SHROOM2: variants seen among roughly 807,000 people sequenced by gnomAD.
SHROOM2 encodes protein Shroom2.
Under a neutral mutation model 75.9 loss-of-function variants are expected in SHROOM2, and 33 were observed. That is an observed-to-expected ratio of 0.43 (90% CI 0.33 to 0.58). The LOEUF is 0.58. Among genes scored for constraint, SHROOM2 ranks in the 20% least tolerant of loss-of-function variants. The pLI, the probability that SHROOM2 is intolerant of heterozygous loss-of-function variation, is 0.04. For missense variants in SHROOM2, 1,434 were observed against 1,461.2 expected (o/e 0.98, Z 0.30); for synonymous variants, 655 against 663.6 (o/e 0.99, Z 0.20).
rs1451822461 is a variant in SHROOM2 at position 9,948,618 on chromosome X, C to G, written c.*1681C>G. 1 of 113,617 alleles carries G rather than the reference C, an allele frequency of 8.8e-6. No individual in the cohort carries two copies. Among genetic ancestry groups the G allele is most frequent in the African/African-American group, 3.2e-5 (1 of 31,199 alleles). 9.4% of individuals were successfully genotyped at this position (113,617 alleles called of 1,213,427 possible). On this transcript the variant is annotated 3_prime_UTR_variant, in exon 10 of 10. Coordinates refer to ENST00000380913, the MANE Select transcript of SHROOM2 (RefSeq NM_001649.4). The stretch of plus-strand genomic sequence containing the variant: ...GGGGCCGTGTTGACGGTAATGCATT[C>G]TCTATAGAGCCAAGTCCAAACTGGC...
rs1425486740 is a variant in SHROOM2 at position 9,932,558 on chromosome X, G to C, written c.3275G>C (p.Arg1092Thr). The stretch of plus-strand genomic sequence containing the variant: ...GACGCCCCCGTGGGCGTCCTCGGCA[G>C]GCCCTTCCCAACGCCATCCCCTGCG... The part of the protein sequence containing the change: ...PADAPVGVLG[R>T]PFPTPSPASL... The change falls in exon 6 of 10, where the codon AGG becomes ACG. Residue 1092 changes from arginine to threonine, a missense_variant. Physicochemically the swap from Arg to Thr is moderately conservative, Grantham distance 71. Transcript: ENST00000380913. The C allele has an allele frequency of 8.3e-7, 1 of 1,211,730 alleles. No homozygotes were observed. The highest frequency in any genetic ancestry group is 1.8e-5 in the South Asian group (1 of 57,010).
intron 1 of SHROOM2, among the ~76,000 whole-genome samples, chrX:9,809,554 G>A (rs112265695): frequency 0.09 from 10,107 of 112,070 alleles, 1,058 homozygotes; most frequent in African/African-American, 0.31. Flanking sequence ...TAAAGACAAT[G>A]GTAAGGTCAT....
intron 2 of SHROOM2, among the ~76,000 whole-genome samples, chrX:9,880,401 G>T (rs924539361): frequency 8.8e-6 from 1 of 113,391 alleles, no homozygotes; most frequent in African/African-American, 3.2e-5. Context: ...CCCGTCCTTG[G>T]CTGTGGTGGC....
intron 5 of SHROOM2, among the ~76,000 whole-genome samples, chrX:9,902,175 A>G (rs758311008): frequency 3.4e-4 from 36 of 107,088 alleles, no homozygotes; most frequent in Non-Finnish European, 5.6e-4. Context: ...AGGTGTATGG[A>G]TGGATGGATG....
chrX:9,935,071 C>T (rs758841018), intron 6 of SHROOM2, among the ~76,000 whole-genome samples: 1 of 111,481 alleles, frequency 9.0e-6, no homozygotes, highest in East Asian at 2.8e-4. Context: ...CTGGGCCCAG[C>T]CTCTTTCCCA....
intron 1 of SHROOM2, among the ~76,000 whole-genome samples, chrX:9,795,698 C>T (rs1173837886): frequency 9.4e-6 from 1 of 106,705 alleles, no homozygotes; most frequent in Non-Finnish European, 1.9e-5. Context: ...GAAGCTGTTT[C>T]CCTGGGTATT....
chrX:9,791,965 TCTCGAGA>T (rs1186465981), intron 1 of SHROOM2, among the ~76,000 whole-genome samples: 15 of 20,024 alleles, frequency 7.5e-4, no homozygotes, highest in African/African-American at 3.4e-3. Context: ...CAAAACTCCA[TCTCGAGA>T]ATAGAATAGA....
At chrX:9,839,558 T>C (rs1294928805) in intron 1 of SHROOM2, among the ~76,000 whole-genome samples, 1 of 111,401 alleles carries the variant, frequency 9.0e-6, no homozygotes, top group Non-Finnish European at 1.9e-5. Context: ...CGGAGCTGCT[T>C]TCTGTCCCTT....
At chrX:9,933,369 A>T in intron 6 of SHROOM2, among the ~76,000 whole-genome samples, 1 of 110,585 alleles carries the variant, frequency 9.0e-6, no homozygotes, top group African/African-American at 3.3e-5. Context: ...CTTTTGTTAA[A>T]GCAGAAGAAT....
At chrX:9,847,400 T>C (rs978559641) in intron 1 of SHROOM2, among the ~76,000 whole-genome samples, 4 of 112,452 alleles carry the variant, frequency 3.6e-5, no homozygotes, top group Non-Finnish European at 7.5e-5. Context: ...AAGGTAGGAC[T>C]TTTAGTGGTT....
intron 1 of SHROOM2, among the ~76,000 whole-genome samples, chrX:9,791,936 TTGCCC>T (rs1291226880): frequency 1.0e-5 from 1 of 98,416 alleles, no homozygotes; most frequent in East Asian, 3.1e-4. Context: ...GATCGTGCCA[TTGCCC>T]TGGGCAACAG....
At position 9,932,774 on chromosome X, in the gene SHROOM2, C is replaced by T. The variant is rs1269596032; in HGVS notation, c.3491C>T (p.Ala1164Val). The T allele has an allele frequency of 8.3e-7, 1 of 1,210,365 alleles. No homozygotes were observed. Among genetic ancestry groups the T allele is most frequent in the Middle Eastern group, 2.3e-4 (1 of 4,353 alleles). Residue 1164 changes from alanine (A) to valine (V), a missense_variant, in exon 6 of 10, where the codon GCC (alanine) becomes GTC (valine). Ala to Val is a moderately conservative substitution (Grantham distance 64). This residue lies in a region of SHROOM2 where 1,340 missense variants were observed against 1,338.3 expected (regional missense o/e 1.00). Coordinates refer to ENST00000380913, the MANE Select transcript of SHROOM2 (RefSeq NM_001649.4). ...CAGCAGCACCTGCGCCTGCAGACGG[C>T]CACCATGGAGACCTCGCGCTCCCCC... ...PKQQHLRLQT[A>V]TMETSRSPSP...
chrX:9,833,531 C>T (rs953793051), intron 1 of SHROOM2, among the ~76,000 whole-genome samples: 2 of 110,370 alleles, frequency 1.8e-5, no homozygotes, highest in African/African-American at 6.7e-5. Context: ...TTAGGGACCT[C>T]ATAACTAAGC....
intron 1 of SHROOM2, among the ~76,000 whole-genome samples, chrX:9,791,831 A>G (rs2083649498): frequency 9.1e-6 from 1 of 109,845 alleles, no homozygotes; most frequent in Admixed American, 9.9e-5. Flanking sequence ...TGTCTCTACT[A>G]AAAATACAAA....
chrX:9,829,316 G>A (rs776693400), intron 1 of SHROOM2, among the ~76,000 whole-genome samples: 1 of 112,472 alleles, frequency 8.9e-6, no homozygotes, highest in Admixed American at 9.4e-5. Context: ...GAGCCACCAC[G>A]CCTGGACCCT....
intron 5 of SHROOM2, among the ~76,000 whole-genome samples, chrX:9,911,760 A>G (rs1303600669): frequency 2.7e-5 from 3 of 111,866 alleles, no homozygotes; most frequent in Non-Finnish European, 5.6e-5. Context: ...GATGGGTTAC[A>G]TTCCTAATGA....
At position 9,866,101 on chromosome X, in the gene SHROOM2, T is replaced by C. The variant is rs1298484626; in HGVS notation, c.166-7551T>C. Among the ~76,000 whole-genome samples, 8 of 105,873 alleles carry C rather than the reference T, an allele frequency of 7.6e-5. No individual in the cohort carries two copies. The South Asian group carries it at 3.0e-3, about 40-fold the overall frequency. The allele number at this position is 105,873 out of a possible 115,157, so 91.9% of individuals were successfully genotyped here. ...GGCCAGGAATTTTTTTTTTTTTTTT[T>C]TTTTTTTAAGTCTCAACACATTTGG... On this transcript the variant is annotated intron_variant, in intron 1 of 9. Coordinates refer to ENST00000380913, the MANE Select transcript of SHROOM2 (RefSeq NM_001649.4).
intron 1 of SHROOM2, among the ~76,000 whole-genome samples, chrX:9,817,530 G>A (rs953039623): frequency 9.0e-6 from 1 of 111,701 alleles, no homozygotes; most frequent in East Asian, 2.8e-4. Context: ...CAGTGCACAC[G>A]ACTTCAAAGA....
chrX:9,922,533 C>T (rs750824740), intron 5 of SHROOM2, among the ~76,000 whole-genome samples: 1 of 109,298 alleles, frequency 9.1e-6, no homozygotes, highest in East Asian at 2.8e-4. Context: ...CGTTCTTTGG[C>T]GGTTGACCCT....
Sources: gnomAD v4.1 joint callset for allele counts (sites outside exome capture counted in the v4.1 genomes callset) on GRCh38, gnomAD v4.1.1 for gene constraint, gnomAD v4.1.1 regional missense constraint, MANE v1.5 for transcripts, NCBI Gene and HGNC (gene_info 2026-07-23, HGNC 2026-07-21) for gene names.